The following ZNF470 variants were observed in gnomAD, a reference collection of about 807,000 sequenced individuals.
ZNF470 encodes the protein zinc finger protein 470.
Under a neutral mutation model 13.9 loss-of-function variants are expected in ZNF470, and 13 were observed. The observed-to-expected ratio is 0.94, with a 90% CI of 0.61 to 1.49. The LOEUF is 1.49. ZNF470 is among the 40% of genes most tolerant of loss of function. The probability of loss-of-function intolerance (pLI) is 0.00; values close to 1 mark genes in which losing one functional copy is unlikely to be tolerated. For missense variants in ZNF470, 929 were observed against 857.3 expected (o/e 1.08, Z -1.04); for synonymous variants, 293 against 282.9 (o/e 1.04, Z -0.36).
chr19:56,573,015 CAATGGTTAAA>C (rs929429497), intron 3 of ZNF470, among the ~76,000 whole-genome samples: 6 of 152,226 alleles, frequency 3.9e-5, no homozygotes, highest in Non-Finnish European at 7.4e-5. Context: ...AAAATATCTT[CAATGGTTAAA>C]AACAAAGCTG....
chr19:56,567,697 G>C lies in ZNF470; in HGVS notation c.-500G>C, dbSNP rs1023542713. 1 of 987,888 alleles carries C rather than the reference G, an allele frequency of 1.0e-6. No homozygotes were observed. The highest frequency in any genetic ancestry group is 6.1e-5 in the Admixed American group (1 of 16,300). 61.2% of individuals were successfully genotyped at this position (987,888 alleles called of 1,614,324 possible). A position where few individuals can be genotyped will look rare whatever the true frequency, so the allele number is the denominator to read the frequency against. The stretch of plus-strand genomic sequence containing the variant: ...CTGAGGAGGGGCGAGCGCGCGCGGG[G>C]ATGGCGGCCCGGTGTGTGACTGTCC... On this transcript the variant is annotated 5_prime_UTR_variant, in exon 1 of 6. Coordinates refer to ENST00000330619, the MANE Select transcript of ZNF470 (RefSeq NM_001001668.4).
In ZNF470 at chr19:56,582,548, A is replaced by C. The variant is rs142953021; in HGVS notation, c.*3965A>C. ...TTCAGTTCTGAATTGTGTTCCCACCAGCACCACCAAATGCTGGCCTCTACC... is the reference window on the plus strand; with the variant it reads ...TTCAGTTCTGAATTGTGTTCCCACCCGCACCACCAAATGCTGGCCTCTACC... On this transcript the variant is annotated 3_prime_UTR_variant, in exon 6 of 6. Transcript: ENST00000330619. 216 of 985,458 alleles carry C rather than the reference A, an allele frequency of 2.2e-4. No homozygotes were observed. In the African/African-American group the frequency reaches 3.7e-3, roughly 17 times the overall value. 61.0% of individuals were successfully genotyped at this position (985,458 alleles called of 1,614,324 possible). A position where few individuals can be genotyped will look rare whatever the true frequency, so the allele number is the denominator to read the frequency against.
chr19:56,568,058 G>T lies in ZNF470; in HGVS notation c.-159+20G>T. 9 of 985,838 alleles carry T rather than the reference G, an allele frequency of 9.1e-6. No individual in the cohort carries two copies. The highest frequency in any genetic ancestry group is 1.1e-5 in the Non-Finnish European group (9 of 830,228). The allele number at this position is 985,838 out of a possible 1,614,324, so 61.1% of individuals were successfully genotyped here. On this transcript the variant is annotated intron_variant, in intron 1 of 5. Transcript: ENST00000330619. ...ACACAGGTAAGAGTGACAGATGACG[G>T]ATGTGGCTGCCGGAGTGGACATTGA...
rs1007016769 is a variant in ZNF470, at chr19:56,581,034, A to G, written c.*2451A>G. The G allele has an allele frequency of 1.9e-4, 188 of 985,226 alleles. No individual in the cohort carries two copies. The highest frequency in any genetic ancestry group is 2.2e-4 in the Non-Finnish European group (184 of 829,840). The allele number at this position is 985,226 out of a possible 1,614,324, so 61.0% of individuals were successfully genotyped here. A position where few individuals can be genotyped will look rare whatever the true frequency, so the allele number is the denominator to read the frequency against. ...AATAGACTTTAAGCACTAATGCATA[A>G]CCCCAAAGCTGACATTAGGCTTTTA... On this transcript the variant is annotated 3_prime_UTR_variant, in exon 6 of 6. Coordinates refer to ENST00000330619, the MANE Select transcript of ZNF470 (RefSeq NM_001001668.4).
rs913122333 is a variant in ZNF470 at position 56,577,417 on chromosome 19, C to T, written c.988C>T (p.His330Tyr). 3.4e-5 allele frequency: 55 copies of T among 1,613,910 alleles called. No homozygotes were observed. The highest frequency in any genetic ancestry group is 4.6e-5 in the Non-Finnish European group (54 of 1,179,972). ...CAGCCAGCTTGCACACCTTGCTCAA[C>T]ATCAGAGGGTCCACACTGGAGAGAA... ...AFSQLAHLAQ[H>Y]QRVHTGEKPY... Residue 330 changes from histidine (H) to tyrosine (Y), a missense_variant, in exon 6 of 6, where the codon CAT becomes TAT. Transcript: ENST00000330619.
Position 56,582,147 on chromosome 19 carries a change from G to A in ZNF470, c.*3564G>A. 1 of 985,406 alleles carries A rather than the reference G, an allele frequency of 1.0e-6. No individual in the cohort carries two copies. The highest frequency in any genetic ancestry group is 1.2e-6 in the Non-Finnish European group (1 of 829,916). 61.0% of individuals were successfully genotyped at this position (985,406 alleles called of 1,614,324 possible). On this transcript the variant is annotated 3_prime_UTR_variant, in exon 6 of 6. Coordinates refer to ENST00000330619, the MANE Select transcript of ZNF470 (RefSeq NM_001001668.4). Reference sequence around the variant, plus strand: ...TAAGACTTATATTCTAGACTGGAAAGCATCTCATGGTGTGCGATGAGCAAA... The same window carrying A: ...TAAGACTTATATTCTAGACTGGAAAACATCTCATGGTGTGCGATGAGCAAA...
At chr19:56,573,622 T>A (rs1316715800) in intron 3 of ZNF470, among the ~76,000 whole-genome samples, 1 of 152,204 alleles carries the variant, frequency 6.6e-6, no homozygotes, top group Non-Finnish European at 1.5e-5. Context: ...TCACATTATT[T>A]CTCCTGATAA....
At chr19:56,574,372 G>T (rs948007909) in intron 3 of ZNF470, 22 bp from the exon 4 acceptor site, 9 of 1,613,212 alleles carry the variant, frequency 5.6e-6, no homozygotes, top group South Asian at 1.1e-5. Context: ...GAGTGAGCAA[G>T]ATCATATTTG....
chr19:56,581,658 T>C lies in ZNF470; in HGVS notation c.*3075T>C, dbSNP rs2044536872. Reference sequence around the variant, plus strand: ...CCTGTATTGTAGTATAGGCCCATAATTGTGATATCAAAAATAAAAATCAAA... The same window carrying C: ...CCTGTATTGTAGTATAGGCCCATAACTGTGATATCAAAAATAAAAATCAAA... On this transcript the variant is annotated 3_prime_UTR_variant, in exon 6 of 6. Transcript: ENST00000330619. 1.0e-6 allele frequency: 1 copy of C among 963,912 alleles called. No individual in the cohort carries two copies. The highest frequency in any genetic ancestry group is 1.2e-6 in the Non-Finnish European group (1 of 810,338). The allele number at this position is 963,912 out of a possible 1,614,324, so 59.7% of individuals were successfully genotyped here. A position where few individuals can be genotyped will look rare whatever the true frequency, so the allele number is the denominator to read the frequency against.
chr19:56,576,892 C>T lies in ZNF470; in HGVS notation c.463C>T (p.His155Tyr). The change falls in exon 6 of 6, where the codon CAT (histidine) becomes TAT (tyrosine). Residue 155 changes from histidine to tyrosine, a missense_variant. Coordinates refer to ENST00000330619, the MANE Select transcript of ZNF470 (RefSeq NM_001001668.4). The part of the protein sequence containing the change: ...FERELVNQKT[H>Y]FRQETITHID... The stretch of plus-strand genomic sequence containing the variant: ...GAGGGAGCTTGTAAACCAGAAGACA[C>T]ATTTTAGGCAAGAGACCATCACTCA... 6.3e-7 allele frequency: 1 copy of T among 1,576,460 alleles called. No homozygotes were observed. The highest frequency in any genetic ancestry group is 8.6e-7 in the Non-Finnish European group (1 of 1,168,016).
rs1266251248 is a variant in ZNF470 at position 56,582,753 on chromosome 19, T to C, written c.*4170T>C. 1 of 190,610 alleles carries C rather than the reference T, an allele frequency of 5.2e-6. No individual in the cohort carries two copies. The highest frequency in any genetic ancestry group is 2.4e-5 in the African/African-American group (1 of 42,092). 11.8% of individuals were successfully genotyped at this position (190,610 alleles called of 1,614,324 possible). ...TCTCTCCACATGTGCACAGAGGAAATGCTGTGTAAGGACACAACAAGAATG... is the reference window on the plus strand; with the variant it reads ...TCTCTCCACATGTGCACAGAGGAAACGCTGTGTAAGGACACAACAAGAATG... On this transcript the variant is annotated 3_prime_UTR_variant, in exon 6 of 6. Coordinates refer to ENST00000330619, the MANE Select transcript of ZNF470 (RefSeq NM_001001668.4).
intron 2 of ZNF470, among the ~76,000 whole-genome samples, chr19:56,569,315 T>C (rs2044433895): frequency 6.6e-6 from 1 of 152,142 alleles, no homozygotes; most frequent in Non-Finnish European, 1.5e-5. Context: ...CTCATGAGGA[T>C]TTTTTCATTT....
In ZNF470 at chr19:56,574,535, C is replaced by T. The variant is rs1600566716; in HGVS notation, c.187+15C>T. ...AGTTTCAGTGGGTAAGAGTATCTTC[C>T]TCCTGTTGCCTCCCCATGACTCAGT... On this transcript the variant is annotated intron_variant, in intron 4 of 5. Transcript: ENST00000330619. 1 of 1,613,306 alleles carries T rather than the reference C, an allele frequency of 6.2e-7. No homozygotes were observed. Among genetic ancestry groups the T allele is most frequent in the South Asian group, 1.1e-5 (1 of 91,016 alleles).
At chr19:56,572,340 C>CAAAAAAAAAAAAAAAAAAAAA (rs564410370) in intron 3 of ZNF470, among the ~76,000 whole-genome samples, 1 of 16,408 alleles carries the variant, frequency 6.1e-5, no homozygotes, top group Non-Finnish European at 8.3e-5. Context: ...CCTGTCTCTA[C>CAAAAAAAAAAAAAAAAAAAAA]AAAAAAAAAA....
At position 56,580,206 on chromosome 19, in the gene ZNF470, G is replaced by T; in HGVS notation, c.*1623G>T. 2 of 971,638 alleles carry T rather than the reference G, an allele frequency of 2.1e-6. No homozygotes were observed. The highest frequency in any genetic ancestry group is 9.5e-5 in the South Asian group (2 of 21,034). The allele number at this position is 971,638 out of a possible 1,614,324, so 60.2% of individuals were successfully genotyped here. Reference sequence around the variant, plus strand: ...CTAGAGGTAACTGTGAGACACAAAAGGCATAATGAAAATAGTCATGATAGT... The same window carrying T: ...CTAGAGGTAACTGTGAGACACAAAATGCATAATGAAAATAGTCATGATAGT... On this transcript the variant is annotated 3_prime_UTR_variant, in exon 6 of 6. Coordinates refer to ENST00000330619, the MANE Select transcript of ZNF470 (RefSeq NM_001001668.4).
chr19:56,581,028 T>G lies in ZNF470; in HGVS notation c.*2445T>G. On this transcript the variant is annotated 3_prime_UTR_variant, in exon 6 of 6. Transcript: ENST00000330619. ...GTTTGAAATAGACTTTAAGCACTAATGCATAACCCCAAAGCTGACATTAGG... is the reference window on the plus strand; with the variant it reads ...GTTTGAAATAGACTTTAAGCACTAAGGCATAACCCCAAAGCTGACATTAGG... 7.1e-6 allele frequency: 7 copies of G among 985,296 alleles called. No individual in the cohort carries two copies. The highest frequency in any genetic ancestry group is 8.4e-6 in the Non-Finnish European group (7 of 829,826). 61.0% of individuals were successfully genotyped at this position (985,296 alleles called of 1,614,324 possible).
Position 56,574,511 on chromosome 19 carries a change from G to C in ZNF470, c.178G>C (p.Val60Leu). The change falls in exon 4 of 6, where the codon GTT (valine) becomes CTT (leucine). Residue 60 changes from valine to leucine, a missense_variant. Transcript: ENST00000330619. ...KVMLENYRNL[V>L]SVGLCISKPD... is the part of the protein sequence containing the mutation. ...GATGTTAGAAAACTACAGGAACCTAGTTTCAGTGGGTAAGAGTATCTTCCT... is the reference window on the plus strand; with the variant it reads ...GATGTTAGAAAACTACAGGAACCTACTTTCAGTGGGTAAGAGTATCTTCCT... The C allele has an allele frequency of 1.2e-6, 2 of 1,613,800 alleles. No individual in the cohort carries two copies. Among genetic ancestry groups the C allele is most frequent in the South Asian group, 2.2e-5 (2 of 91,072 alleles).
chr19:56,568,046 T>C lies in ZNF470; in HGVS notation c.-159+8T>C, dbSNP rs1056949599. Reference sequence around the variant, plus strand: ...TGGGGACTGAGTACACAGGTAAGAGTGACAGATGACGGATGTGGCTGCCGG... The same window carrying C: ...TGGGGACTGAGTACACAGGTAAGAGCGACAGATGACGGATGTGGCTGCCGG... On this transcript the variant is annotated splice_region_variant and intron_variant, in intron 1 of 5. Transcript: ENST00000330619. The C allele has an allele frequency of 1.3e-5, 13 of 985,518 alleles. No homozygotes were observed. Among genetic ancestry groups the C allele is most frequent in the Non-Finnish European group, 1.4e-5 (12 of 830,092 alleles). 61.0% of individuals were successfully genotyped at this position (985,518 alleles called of 1,614,324 possible). A position where few individuals can be genotyped will look rare whatever the true frequency, so the allele number is the denominator to read the frequency against.
rs2044501092 is a variant in ZNF470 at position 56,577,662 on chromosome 19, A to T, written c.1233A>T (p.Gly411=). ...GGAAGGCTTTCACTGATCACATAGG[A>T]CTTATTCAGCATAAGAGAACTCATA... ...DCGKAFTDHI[G]LIQHKRTHTG... is the part of the protein sequence containing the mutation. Residue 411 remains glycine (G), a synonymous_variant, in exon 6 of 6, where the codon GGA becomes GGT. Transcript: ENST00000330619. The T allele has an allele frequency of 6.2e-7, 1 of 1,610,786 alleles. No homozygotes were observed. The highest frequency in any genetic ancestry group is 8.5e-7 in the Non-Finnish European group (1 of 1,177,620).
Sources: gnomAD v4.1 joint callset for allele counts (sites outside exome capture counted in the v4.1 genomes callset) on GRCh38, gnomAD v4.1.1 for gene constraint, MANE v1.5 for transcripts, NCBI Gene and HGNC (gene_info 2026-07-23, HGNC 2026-07-21) for gene names.